CDH8: variants seen among roughly 807,000 people sequenced by gnomAD.
The protein encoded by CDH8 is cadherin 8.
In CDH8, 17 loss-of-function variants were observed where a neutral mutation model predicts 68.1. The ratio of observed to expected loss-of-function variants is 0.25; its 90% CI spans 0.17 to 0.37. CDH8 has a LOEUF of 0.37. Ranked by LOEUF, CDH8 falls within the 10% of genes least tolerant of loss-of-function variation. The probability of loss-of-function intolerance (pLI) is 1.00; values close to 1 mark genes in which losing one functional copy is unlikely to be tolerated. For missense variants in CDH8, 763 were observed against 999.3 expected (o/e 0.76, Z 3.19); for synonymous variants, 372 against 365.1 (o/e 1.02, Z -0.21).
chr16:61,722,355 T>A (rs1184899075), intron 9 of CDH8, among the ~76,000 whole-genome samples: 1 of 150,934 alleles, frequency 6.6e-6, no homozygotes, highest in Non-Finnish European at 1.5e-5. Flanking sequence ...TGTTCTTTGT[T>A]CCTCTGTCTA....
intron 3 of CDH8, among the ~76,000 whole-genome samples, chr16:61,900,896 A>G (rs1427796222): frequency 6.6e-6 from 1 of 152,212 alleles, no homozygotes; most frequent in Non-Finnish European, 1.5e-5. Flanking sequence ...CTCAGTAACA[A>G]TACTCAAACT....
chr16:61,739,367 A>G (rs1567447958), intron 8 of CDH8, among the ~76,000 whole-genome samples: 1 of 152,134 alleles, frequency 6.6e-6, no homozygotes, highest in South Asian at 2.1e-4. Context: ...CACAAGCAAC[A>G]CACACAATTT....
intron 2 of CDH8, among the ~76,000 whole-genome samples, chr16:61,952,936 T>C (rs533160945): frequency 1.3e-5 from 2 of 152,298 alleles, no homozygotes; most frequent in African/African-American, 4.8e-5. Flanking sequence ...TGCTATTGTC[T>C]GTGTTTTTAT....
intron 7 of CDH8, among the ~76,000 whole-genome samples, chr16:61,804,307 A>G (rs886683438): frequency 6.5e-4 from 99 of 152,222 alleles, no homozygotes; most frequent in Middle Eastern, 3.4e-3. Context: ...TCTCTGGGAC[A>G]CATTCAAAAC....
In CDH8 at chr16:61,960,318, T is replaced by C. The variant is rs1331448826; in HGVS notation, c.253-58845A>G. Among the ~76,000 whole-genome samples, 5 of 89,590 alleles carry C rather than the reference T, an allele frequency of 5.6e-5. 2 individuals carry two copies. The highest frequency in any genetic ancestry group is 9.9e-5 in the Non-Finnish European group (5 of 50,504). 58.8% of individuals were successfully genotyped at this position (89,590 alleles called of 152,430 possible). The stretch of plus-strand genomic sequence containing the variant: ...ACGTGTGTGTGTATACACACATATA[T>C]ACGTGTGTGTGTATACACACATATA... On this transcript the variant is annotated intron_variant, in intron 2 of 11. Coordinates refer to ENST00000577390, the MANE Select transcript of CDH8 (RefSeq NM_001796.5).
rs555280174 is a variant in CDH8, at chr16:61,703,702, G to A, written c.1654+10139C>T. Among the ~76,000 whole-genome samples the A allele has an allele frequency of 2.6e-5, 4 of 152,168 alleles. No homozygotes were observed. The Middle Eastern group carries it at 0.01, about 388-fold the overall frequency. Reference sequence around the variant, plus strand: ...AAAAATACAAAAAAATTAGCCGGGCGTGGTGGCAGCGCCTGTAGTCCCAGC... The same window carrying A: ...AAAAATACAAAAAAATTAGCCGGGCATGGTGGCAGCGCCTGTAGTCCCAGC... On this transcript the variant is annotated intron_variant, in intron 10 of 11. Coordinates refer to ENST00000577390, the MANE Select transcript of CDH8 (RefSeq NM_001796.5).
At chr16:61,945,336 G>A (rs891482425) in intron 2 of CDH8, among the ~76,000 whole-genome samples, 3 of 151,416 alleles carry the variant, frequency 2.0e-5, no homozygotes, top group African/African-American at 4.9e-5. Flanking sequence ...CTTAAAAAAC[G>A]GTTATTACTG....
chr16:61,669,255 C>T (rs1440327973), intron 10 of CDH8, among the ~76,000 whole-genome samples: 1 of 152,014 alleles, frequency 6.6e-6, no homozygotes, highest in Non-Finnish European at 1.5e-5. Context: ...TAAATTCTTT[C>T]AAGTCTACTT....
intron 8 of CDH8, among the ~76,000 whole-genome samples, chr16:61,782,691 C>T (rs367567738): frequency 6.6e-6 from 1 of 152,150 alleles, no homozygotes; most frequent in East Asian, 1.9e-4. Context: ...ATGTCCCTGT[C>T]TGACAGCTTT....
intron 10 of CDH8, among the ~76,000 whole-genome samples, chr16:61,712,030 T>C (rs997927042): frequency 6.6e-6 from 1 of 151,754 alleles, no homozygotes; most frequent in African/African-American, 2.4e-5. Context: ...ACCTATAAGA[T>C]AGATCATAAT....
intron 8 of CDH8, among the ~76,000 whole-genome samples, chr16:61,777,144 T>G (rs1372782641): frequency 6.6e-6 from 1 of 152,080 alleles, no homozygotes; most frequent in African/African-American, 2.4e-5. Context: ...GATAACTTTA[T>G]TTTCTCCTCC....
intron 3 of CDH8, among the ~76,000 whole-genome samples, chr16:61,896,919 C>T (rs1963877182): frequency 6.6e-6 from 1 of 151,870 alleles, no homozygotes; most frequent in Non-Finnish European, 1.5e-5. Context: ...AGGAAAATGG[C>T]AAAAATTTAA....
chr16:61,823,916 G>A (rs757486706), intron 5 of CDH8, among the ~76,000 whole-genome samples: 17 of 151,792 alleles, frequency 1.1e-4, no homozygotes, highest in Non-Finnish European at 2.1e-4. Context: ...TATATTTAAG[G>A]TGTACACTGT....
intron 7 of CDH8, among the ~76,000 whole-genome samples, chr16:61,807,736 T>G (rs566989673): frequency 6.6e-6 from 1 of 152,078 alleles, no homozygotes; most frequent in East Asian, 1.9e-4. Flanking sequence ...CAAACAGAGA[T>G]ATAAAGGCCC....
chr16:61,939,980 A>G (rs1964686465), intron 2 of CDH8, among the ~76,000 whole-genome samples: 1 of 152,116 alleles, frequency 6.6e-6, no homozygotes, highest in Non-Finnish European at 1.5e-5. Flanking sequence ...ACATCAAACC[A>G]CTTCCAACAC....
In CDH8 at chr16:61,653,083, A is replaced by G; in HGVS notation, c.*525T>C. On this transcript the variant is annotated 3_prime_UTR_variant, in exon 12 of 12. Coordinates refer to ENST00000577390, the MANE Select transcript of CDH8 (RefSeq NM_001796.5). ...CAATGTGTGGTCACCGTACTGTATA[A>G]TCTAGGAGGCCTCTCAAAACTCCAA... 7.9e-7 allele frequency: 1 copy of G among 1,272,392 alleles called. No homozygotes were observed. The highest frequency in any genetic ancestry group is 9.9e-7 in the Non-Finnish European group (1 of 1,010,554). 78.8% of individuals were successfully genotyped at this position (1,272,392 alleles called of 1,614,324 possible). A position where few individuals can be genotyped will look rare whatever the true frequency, so the allele number is the denominator to read the frequency against.
intron 2 of CDH8, among the ~76,000 whole-genome samples, chr16:61,950,017 A>C (rs933495279): frequency 6.6e-6 from 1 of 151,850 alleles, no homozygotes; most frequent in African/African-American, 2.4e-5. Context: ...AAGCTTCATG[A>C]ACCACTGCAT....
chr16:61,774,761 T>TTTTCTGTTTTTCCTAAGGGCAG (rs1960864518), intron 8 of CDH8, among the ~76,000 whole-genome samples: 1 of 152,100 alleles, frequency 6.6e-6, no homozygotes, highest in Admixed American at 6.6e-5. Flanking sequence ...ACAGGGAACT[T>TTTTCTGTTTTTCCTAAGGGCAG]AACTATTTCT....
chr16:61,670,399 A>T (rs1256075113), intron 10 of CDH8, among the ~76,000 whole-genome samples: 2 of 152,096 alleles, frequency 1.3e-5, no homozygotes, highest in Admixed American at 6.6e-5. Context: ...GAGAGGGTGA[A>T]TGTGTAACAA....
Sources: allele counts gnomAD v4.1 joint callset (sites outside exome capture counted in the v4.1 genomes callset), GRCh38; gene constraint gnomAD v4.1.1; transcripts MANE v1.5; gene names NCBI Gene and HGNC (gene_info 2026-07-23, HGNC 2026-07-21).